SEC11A: variants seen among roughly 807,000 people sequenced by gnomAD.
SEC11A encodes SEC11 homolog A, signal peptidase complex subunit, also known as signal peptidase complex catalytic subunit SEC11A.
Under a neutral mutation model 25.6 loss-of-function variants are expected in SEC11A, and 14 were observed. The ratio of observed to expected loss-of-function variants is 0.55; its 90% CI spans 0.36 to 0.85. The LOEUF is 0.85. Among genes scored for constraint, SEC11A ranks in the 40% least tolerant of loss-of-function variants. The probability of loss-of-function intolerance (pLI) is 0.01; values close to 1 mark genes in which losing one functional copy is unlikely to be tolerated. For synonymous variants in SEC11A, 83 were observed against 76.4 expected, an observed-to-expected ratio of 1.09 and a Z score of -0.45; for missense variants, 153 against 222.9, an observed-to-expected ratio of 0.69 and a Z score of 2.00.
At chr15:84,679,366 A>T in intron 4 of SEC11A, 1 of 495,820 alleles carries the variant, frequency 2.0e-6, no homozygotes, top group Non-Finnish European at 3.7e-6. Context: ...AAACAACAAT[A>T]ACAACCACAG....
intron 3 of SEC11A, chr15:84,686,809 C>T (rs539993322): frequency 6.6e-6 from 1 of 152,252 alleles, no homozygotes; most frequent in South Asian, 2.1e-4. Context: ...CACAATCCTC[C>T]CACCTCAGTC....
At chr15:84,688,828 C>T (rs1018862922) in intron 2 of SEC11A, among the ~76,000 whole-genome samples, 26 of 151,934 alleles carry the variant, frequency 1.7e-4, no homozygotes, top group African/African-American at 6.0e-4. Context: ...GTCAGGAGTT[C>T]GTGACCAGCC....
chr15:84,683,433 A>C (rs1010514685), intron 3 of SEC11A, among the ~76,000 whole-genome samples: 1 of 151,752 alleles, frequency 6.6e-6, no homozygotes, highest in Non-Finnish European at 1.5e-5. Context: ...ACTAACTAAC[A>C]CACCCAATTT....
chr15:84,704,120 T>G (rs989552108), intron 1 of SEC11A, among the ~76,000 whole-genome samples: 3 of 152,200 alleles, frequency 2.0e-5, no homozygotes, highest in South Asian at 2.1e-4. Context: ...TCATACTGGA[T>G]CATTTCAATC....
intron 3 of SEC11A, among the ~76,000 whole-genome samples, chr15:84,687,382 G>A (rs1200242455): frequency 6.6e-6 from 1 of 152,168 alleles, no homozygotes; most frequent in Non-Finnish European, 1.5e-5. Flanking sequence ...TCACTGACAG[G>A]TTGGGAAGTA....
chr15:84,705,175 C>T (rs1050209844), intron 1 of SEC11A, among the ~76,000 whole-genome samples: 1 of 152,150 alleles, frequency 6.6e-6, no homozygotes, highest in Admixed American at 6.5e-5. Flanking sequence ...TCCTCCTGTC[C>T]AGGCTTCCCA....
chr15:84,702,466 CAAA>C (rs759030374), intron 1 of SEC11A, among the ~76,000 whole-genome samples: 3 of 96,970 alleles, frequency 3.1e-5, no homozygotes. Context: ...AACTCCGTCT[CAAA>C]AAAAAAAAAA....
intron 4 of SEC11A, among the ~76,000 whole-genome samples, chr15:84,678,647 G>T (rs1224973861): frequency 6.6e-6 from 1 of 152,114 alleles, no homozygotes; most frequent in Non-Finnish European, 1.5e-5. Context: ...TTATAAGATA[G>T]TGTGACCATT....
chr15:84,680,718 G>C lies in SEC11A; in HGVS notation c.426C>G (p.Ala142=), dbSNP rs772597977. Residue 142 remains alanine (A), a synonymous_variant, in exon 4 of 6, where the codon GCC becomes GCG. Transcript: ENST00000268220. ...WLEKKDVVGR[A]RGFVPYIGIV... ...ATGCTCCCCTCTATACTTACCCCCT[G>C]GCTCTCCCCACAACATCTTTTTTCT... The C allele has an allele frequency of 1.2e-6, 2 of 1,610,480 alleles. No individual in the cohort carries two copies. The highest frequency in any genetic ancestry group is 2.2e-5 in the East Asian group (1 of 44,838).
chr15:84,675,225 CA>C (rs1897104972), intron 4 of SEC11A, among the ~76,000 whole-genome samples: 1 of 152,176 alleles, frequency 6.6e-6, no homozygotes, highest in Non-Finnish European at 1.5e-5. Context: ...TAGCCTGTGC[CA>C]AGTTAATATC....
At chr15:84,684,481 C>A (rs1203723205) in intron 3 of SEC11A, among the ~76,000 whole-genome samples, 1 of 152,062 alleles carries the variant, frequency 6.6e-6, no homozygotes, top group Non-Finnish European at 1.5e-5. Flanking sequence ...AACTGTGAGT[C>A]CATTAAACCT....
At chr15:84,685,268 CTTTTTTT>C (rs1897385602) in intron 3 of SEC11A, among the ~76,000 whole-genome samples, 1 of 151,408 alleles carries the variant, frequency 6.6e-6, no homozygotes, top group African/African-American at 2.4e-5. Flanking sequence ...TTTCTTTTTT[CTTTTTTT>C]GAGATACAGT....
intron 1 of SEC11A, among the ~76,000 whole-genome samples, chr15:84,700,873 G>C (rs987907735): frequency 6.7e-6 from 1 of 149,682 alleles, no homozygotes; most frequent in Non-Finnish European, 1.5e-5. Flanking sequence ...CCAGCTACTA[G>C]GGAGGCTGAG....
chr15:84,710,805 T>C (rs1462396927), intron 1 of SEC11A, among the ~76,000 whole-genome samples: 1 of 152,102 alleles, frequency 6.6e-6, no homozygotes, highest in Non-Finnish European at 1.5e-5. Flanking sequence ...ACCACCTCAA[T>C]GTGCATTGAA....
intron 1 of SEC11A, among the ~76,000 whole-genome samples, chr15:84,692,697 T>C (rs1223776268): frequency 6.6e-6 from 1 of 152,166 alleles, no homozygotes; most frequent in Non-Finnish European, 1.5e-5. Context: ...ATAGAGAGGA[T>C]GACTAGACAC....
intron 2 of SEC11A, among the ~76,000 whole-genome samples, chr15:84,688,070 A>C (rs1290239062): frequency 6.6e-6 from 1 of 152,238 alleles, no homozygotes; most frequent in East Asian, 1.9e-4. Context: ...TTAACCTTTT[A>C]AAATTTCAAA....
At chr15:84,670,094 A>G in intron 5 of SEC11A, 25 bp from the exon 6 acceptor site, 1 of 1,608,874 alleles carries the variant, frequency 6.2e-7, no homozygotes, top group South Asian at 1.1e-5. Context: ...CAGAACCACA[A>G]GTCAGAGAAG....
rs577862906 is a variant in SEC11A at position 84,672,762 on chromosome 15, C to G, written c.432-1980G>C. 613 of 198,018 alleles carry G rather than the reference C, an allele frequency of 3.1e-3. 3 individuals are homozygous for G. The highest frequency in any genetic ancestry group is 0.014 in the African/African-American group (577 of 41,788). The allele number at this position is 198,018 out of a possible 1,614,324, so 12.3% of individuals were successfully genotyped here. ...GTGAGGAGCCCCTCTGCCTGGCTGCCCAGTCTGGAAAGTGAGGACCGTCTC... is the reference window on the plus strand; with the variant it reads ...GTGAGGAGCCCCTCTGCCTGGCTGCGCAGTCTGGAAAGTGAGGACCGTCTC... On this transcript the variant is annotated intron_variant, in intron 4 of 5. Transcript: ENST00000268220.
intron 4 of SEC11A, chr15:84,673,507 G>A (rs118057636): frequency 0.014 from 2,282 of 159,582 alleles, 22 homozygotes; most frequent in Non-Finnish European, 0.022. Flanking sequence ...CTTCTAGCAG[G>A]ATCACTGAGA....
Sources: gnomAD v4.1 joint callset for allele counts (sites outside exome capture counted in the v4.1 genomes callset) on GRCh38, gnomAD v4.1.1 for gene constraint, MANE v1.5 for transcripts, NCBI Gene and HGNC (gene_info 2026-07-23, HGNC 2026-07-21) for gene names.